The following ADCY8 variants were observed in gnomAD, a reference collection of about 807,000 sequenced individuals.
ADCY8 encodes the protein adenylate cyclase 8, also known as adenylate cyclase type 8.
Under a neutral mutation model 119.7 loss-of-function variants are expected in ADCY8, and 51 were observed. That is an observed-to-expected ratio of 0.43 (90% CI 0.34 to 0.54). The LOEUF (loss-of-function observed/expected upper bound fraction) is 0.54. ADCY8 is among the 20% of genes least tolerant of loss of function. The pLI, the probability that ADCY8 is intolerant of heterozygous loss-of-function variation, is 0.03. For missense variants in ADCY8, 1,383 were observed against 1,598.8 expected, an observed-to-expected ratio of 0.87 and a Z score of 2.30; for synonymous variants, 665 against 651.0, an observed-to-expected ratio of 1.02 and a Z score of -0.33.
At chr8:130,891,752 A>G (rs1563715862) in intron 7 of ADCY8, among the ~76,000 whole-genome samples, 1 of 152,058 alleles carries the variant, frequency 6.6e-6, no homozygotes, top group Non-Finnish European at 1.5e-5. Context: ...TGACTTGGGG[A>G]GCCCTTGATA....
intron 1 of ADCY8, among the ~76,000 whole-genome samples, chr8:131,016,536 G>A (rs1292452466): frequency 6.6e-6 from 1 of 152,136 alleles, no homozygotes. Flanking sequence ...GAATGTCACA[G>A]GAGGAGCTCT....
chr8:130,783,437 C>G (rs577925923), intron 17 of ADCY8, among the ~76,000 whole-genome samples: 5 of 152,236 alleles, frequency 3.3e-5, no homozygotes, highest in Non-Finnish European at 1.5e-5. Context: ...TCACAATAGT[C>G]TAGCATTTGC....
chr8:130,913,213 T>C (rs931783400), intron 5 of ADCY8, among the ~76,000 whole-genome samples: 7 of 152,172 alleles, frequency 4.6e-5, no homozygotes. Context: ...TACACTCTTT[T>C]AGCTATTTTA....
At chr8:130,877,339 A>G (rs902359054) in intron 8 of ADCY8, among the ~76,000 whole-genome samples, 2 of 152,210 alleles carry the variant, frequency 1.3e-5, no homozygotes, top group East Asian at 1.9e-4. Flanking sequence ...ATGTCTTCCT[A>G]TATCATCTCA....
intron 9 of ADCY8, among the ~76,000 whole-genome samples, chr8:130,852,371 G>GA (rs1586482747): frequency 1.3e-5 from 2 of 152,074 alleles, no homozygotes; most frequent in East Asian, 3.9e-4. Context: ...GTTCCCAGAG[G>GA]GCTCTAGGCA....
intron 4 of ADCY8, among the ~76,000 whole-genome samples, chr8:130,937,598 G>A (rs55947871): frequency 0.091 from 13,829 of 152,160 alleles, 680 homozygotes; most frequent in African/African-American, 0.1. Flanking sequence ...GCTTTCATCA[G>A]TCTTTAGCTT....
intron 5 of ADCY8, among the ~76,000 whole-genome samples, chr8:130,925,390 T>A (rs1820434032): frequency 6.6e-6 from 1 of 152,214 alleles, no homozygotes; most frequent in Admixed American, 6.5e-5. Context: ...TCCATAGTGA[T>A]AACATGCATG....
intron 5 of ADCY8, among the ~76,000 whole-genome samples, chr8:130,935,995 A>G (rs747900074): frequency 9.2e-5 from 14 of 151,520 alleles, no homozygotes; most frequent in Non-Finnish European, 1.6e-4. Flanking sequence ...TCATGGAAGA[A>G]GCTTACAAAC....
chr8:130,877,245 C>T (rs1377223875), intron 8 of ADCY8, among the ~76,000 whole-genome samples: 2 of 152,312 alleles, frequency 1.3e-5, no homozygotes, highest in South Asian at 2.1e-4. Context: ...GCAAAGTGGC[C>T]ATTATCATGC....
At chr8:130,902,369 A>G (rs1294662744) in intron 7 of ADCY8, among the ~76,000 whole-genome samples, 2 of 152,224 alleles carry the variant, frequency 1.3e-5, no homozygotes, top group Non-Finnish European at 2.9e-5. Flanking sequence ...TCAGAGATGG[A>G]AAGAACCTAG....
chr8:130,903,970 T>C lies in ADCY8; in HGVS notation c.1713A>G (p.Lys571=). 2.5e-6 allele frequency: 4 copies of C among 1,614,178 alleles called. No homozygotes were observed. The highest frequency in any genetic ancestry group is 3.4e-6 in the Non-Finnish European group (4 of 1,180,018). The change falls in exon 7 of 18, where the codon AAA becomes AAG. Residue 571 remains lysine, a synonymous_variant. Transcript: ENST00000286355. ...GCTTCCTCAGGAATTCATTCCTCTC[T>C]TTACCATGGCCCTCTTCCACGTTAT... ...GDYNVEEGHG[K]ERNEFLRKHN...
At chr8:130,815,195 A>G (rs927208179) in intron 13 of ADCY8, among the ~76,000 whole-genome samples, 2 of 152,208 alleles carry the variant, frequency 1.3e-5, no homozygotes, top group Non-Finnish European at 2.9e-5. Flanking sequence ...AAGAGCCCTC[A>G]TCAGAAAACA....
chr8:131,027,514 G>C (rs534172205), intron 1 of ADCY8, among the ~76,000 whole-genome samples: 1 of 152,168 alleles, frequency 6.6e-6, no homozygotes, highest in Non-Finnish European at 1.5e-5. Flanking sequence ...ATGAATCTTG[G>C]GGGTGGGGCT....
chr8:130,883,049 C>G (rs537409485), intron 8 of ADCY8, among the ~76,000 whole-genome samples: 1 of 152,262 alleles, frequency 6.6e-6, no homozygotes, highest in East Asian at 1.9e-4. Flanking sequence ...AGAATCTTCC[C>G]TGGTCACAGA....
intron 7 of ADCY8, among the ~76,000 whole-genome samples, chr8:130,888,939 T>G (rs757276681): frequency 6.6e-6 from 1 of 152,106 alleles, no homozygotes; most frequent in Non-Finnish European, 1.5e-5. Flanking sequence ...AGGCTGAAGG[T>G]GTACTGTCTA....
At chr8:130,993,822 G>A (rs866381284) in intron 1 of ADCY8, among the ~76,000 whole-genome samples, 2 of 152,144 alleles carry the variant, frequency 1.3e-5, no homozygotes, top group Non-Finnish European at 2.9e-5. Context: ...TCATGAAAAC[G>A]GACTAATACA....
At chr8:131,005,712 T>A (rs927214469) in intron 1 of ADCY8, among the ~76,000 whole-genome samples, 9 of 152,212 alleles carry the variant, frequency 5.9e-5, no homozygotes, top group Non-Finnish European at 1.0e-4. Context: ...CCTGCTGTGC[T>A]GGAGTTTGTG....
At chr8:130,815,323 G>A (rs1009081369) in intron 13 of ADCY8, among the ~76,000 whole-genome samples, 6 of 152,138 alleles carry the variant, frequency 3.9e-5, no homozygotes, top group Admixed American at 1.3e-4. Flanking sequence ...GTGGAGATAC[G>A]AATACACTTA....
intron 7 of ADCY8, among the ~76,000 whole-genome samples, chr8:130,891,596 A>G (rs570048860): frequency 5.6e-4 from 85 of 152,252 alleles, no homozygotes; most frequent in Non-Finnish European, 5.0e-4. Flanking sequence ...CTAGTCTACA[A>G]TGGTTTGCAT....
Sources: gnomAD v4.1 joint callset for allele counts (sites outside exome capture counted in the v4.1 genomes callset) on GRCh38, gnomAD v4.1.1 for gene constraint, MANE v1.5 for transcripts, NCBI Gene and HGNC (gene_info 2026-07-23, HGNC 2026-07-21) for gene names.